Variants in RSF1 observed in about 807,000 individuals in gnomAD.
RSF1 encodes the protein remodeling and spacing factor 1.
In RSF1, 13 loss-of-function variants were observed where a neutral mutation model predicts 145.2. That is an observed-to-expected ratio of 0.09 (90% CI 0.06 to 0.14). The LOEUF is 0.14. RSF1 is among the 10% of genes least tolerant of loss of function. The probability of loss-of-function intolerance (pLI) is 1.00; values close to 1 mark genes in which losing one functional copy is unlikely to be tolerated. For missense variants in RSF1, 1,517 were observed against 1,718.2 expected (o/e 0.88, Z 2.07); for synonymous variants, 577 against 592.6 (o/e 0.97, Z 0.38).
At chr11:77,813,577 T>C in intron 1 of RSF1, 1 of 670,444 alleles carries the variant, frequency 1.5e-6, no homozygotes, top group Admixed American at 2.0e-5. Context: ...GCACACACCT[T>C]TTCCAGGGAT....
At chr11:77,678,191 G>A (rs1332771746) in intron 11 of RSF1, 38 bp from the exon 12 acceptor site, 4 of 925,356 alleles carry the variant, frequency 4.3e-6, no homozygotes, top group Non-Finnish European at 5.7e-6. Context: ...AGCCTGTCCT[G>A]GCTTTTTTTT....
intron 1 of RSF1, among the ~76,000 whole-genome samples, chr11:77,782,670 A>T (rs1354581382): frequency 6.6e-6 from 1 of 152,240 alleles, no homozygotes; most frequent in Non-Finnish European, 1.5e-5. Flanking sequence ...GGGGAAAAAA[A>T]AATCAAAGAA....
chr11:77,818,350 A>G (rs1307855086), intron 1 of RSF1, among the ~76,000 whole-genome samples: 1 of 152,222 alleles, frequency 6.6e-6, no homozygotes, highest in Admixed American at 6.5e-5. Flanking sequence ...GGTCCAAAGA[A>G]ATTACCAAAA....
chr11:77,827,339 A>G, the RSF1 span, among the ~76,000 whole-genome samples: 2 of 152,222 alleles, frequency 1.3e-5, no homozygotes, highest in Non-Finnish European at 2.9e-5. Flanking sequence ...AAAATATCAC[A>G]AGGAAAGCCC....
intron 5 of RSF1, among the ~76,000 whole-genome samples, chr11:77,704,815 T>C (rs914143762): frequency 6.6e-6 from 1 of 150,556 alleles, no homozygotes; most frequent in African/African-American, 2.4e-5. Context: ...TGCAATGGCA[T>C]GATCTCAGCT....
At chr11:77,798,964 TAAA>T (rs199886134) in intron 1 of RSF1, among the ~76,000 whole-genome samples, 1 of 114,416 alleles carries the variant, frequency 8.7e-6, no homozygotes, top group Admixed American at 8.5e-5. Context: ...AAAGTATAAT[TAAA>T]AAAAAAAAAG....
intron 11 of RSF1, among the ~76,000 whole-genome samples, chr11:77,682,778 G>A (rs916239924): frequency 1.3e-5 from 2 of 152,158 alleles, no homozygotes; most frequent in African/African-American, 4.8e-5. Context: ...GTGCTTTCAG[G>A]GAAAAGAACT....
At chr11:77,833,560 C>T in the RSF1 span, among the ~76,000 whole-genome samples, 1 of 152,184 alleles carries the variant, frequency 6.6e-6, no homozygotes, top group African/African-American at 2.4e-5. Context: ...CTGCTGCTTA[C>T]CTCCTGTTGT....
chr11:77,729,301 G>A (rs565807555), intron 4 of RSF1, among the ~76,000 whole-genome samples: 20 of 152,304 alleles, frequency 1.3e-4, no homozygotes, highest in South Asian at 4.1e-4. Flanking sequence ...TAACAGAGAT[G>A]GGACGTTCAG....
chr11:77,748,792 C>T (rs972383320), intron 2 of RSF1, among the ~76,000 whole-genome samples: 1 of 152,172 alleles, frequency 6.6e-6, no homozygotes, highest in South Asian at 2.1e-4. Flanking sequence ...TACCATATGA[C>T]TTAGCCATTA....
upstream of RSF1, among the ~76,000 whole-genome samples, chr11:77,825,656 G>A (rs1357055998): frequency 1.3e-5 from 2 of 151,370 alleles, no homozygotes; most frequent in Non-Finnish European, 2.9e-5. Context: ...TCTATTCATT[G>A]AAGAAGACAC....
At position 77,663,590 on chromosome 11, in the gene RSF1, T is replaced by A. The variant is rs1187303541; in HGVS notation, c.*3327A>T. 6.6e-6 allele frequency: 1 copy of A among 152,174 alleles called. No homozygotes were observed. Among genetic ancestry groups the A allele is most frequent in the Non-Finnish European group, 1.5e-5 (1 of 68,034 alleles). 9.4% of individuals were successfully genotyped at this position (152,174 alleles called of 1,614,324 possible). On this transcript the variant is annotated 3_prime_UTR_variant, in exon 16 of 16. Coordinates refer to ENST00000308488, the MANE Select transcript of RSF1 (RefSeq NM_016578.4). ...CCTTTATCCTCTGAATCTGTAACCT[T>A]GACCAATTGAAAAAAGGATGTCAAG... is the stretch of plus-strand genomic sequence containing the variant.
intron 1 of RSF1, among the ~76,000 whole-genome samples, chr11:77,816,944 C>G (rs781094395): frequency 6.6e-6 from 1 of 152,188 alleles, no homozygotes; most frequent in Non-Finnish European, 1.5e-5. Flanking sequence ...TATATGTGGG[C>G]TTTTCAAATA....
At chr11:77,679,576 G>A (rs149512591) in intron 11 of RSF1, among the ~76,000 whole-genome samples, 91 of 151,406 alleles carry the variant, frequency 6.0e-4, no homozygotes, top group African/African-American at 2.0e-3. Context: ...GGGGGGCCGA[G>A]ACAAGAGGAT....
At chr11:77,693,192 C>T (rs1464246579) in intron 8 of RSF1, among the ~76,000 whole-genome samples, 2 of 152,022 alleles carry the variant, frequency 1.3e-5, no homozygotes, top group East Asian at 3.9e-4. Flanking sequence ...GAGGATGAAA[C>T]AAAGTGATAC....
At chr11:77,707,421 A>G (rs577472832) in intron 5 of RSF1, among the ~76,000 whole-genome samples, 14 of 152,346 alleles carry the variant, frequency 9.2e-5, no homozygotes, top group African/African-American at 2.6e-4. Context: ...AGGACATGAT[A>G]CATTTAACAG....
At chr11:77,848,645 C>T in the RSF1 span, among the ~76,000 whole-genome samples, 1 of 152,152 alleles carries the variant, frequency 6.6e-6, no homozygotes, top group Non-Finnish European at 1.5e-5. Context: ...CAAGTGTGAG[C>T]CACCGTGCCT....
At chr11:77,808,008 G>A (rs1300894790) in intron 1 of RSF1, among the ~76,000 whole-genome samples, 8 of 152,032 alleles carry the variant, frequency 5.3e-5, no homozygotes, top group African/African-American at 1.7e-4. Flanking sequence ...AAATTATTTC[G>A]TCGAGCCAAT....
rs1462124827 is a variant in RSF1 at position 77,664,175 on chromosome 11, A to G, written c.*2742T>C. 1 of 152,114 alleles carries G rather than the reference A, an allele frequency of 6.6e-6. No homozygotes were observed. Among genetic ancestry groups the G allele is most frequent in the Non-Finnish European group, 1.5e-5 (1 of 68,024 alleles). 9.4% of individuals were successfully genotyped at this position (152,114 alleles called of 1,614,324 possible). A position where few individuals can be genotyped will look rare whatever the true frequency, so the allele number is the denominator to read the frequency against. On this transcript the variant is annotated 3_prime_UTR_variant, in exon 16 of 16. Coordinates refer to ENST00000308488, the MANE Select transcript of RSF1 (RefSeq NM_016578.4). ...AAACTCTTTGAGGGACTGAATCTGA[A>G]CTCCAAGCAGCAAAACCGTTTTTGC...
Sources: gnomAD v4.1 joint callset for allele counts (sites outside exome capture counted in the v4.1 genomes callset) on GRCh38, gnomAD v4.1.1 for gene constraint, MANE v1.5 for transcripts, NCBI Gene and HGNC (gene_info 2026-07-23, HGNC 2026-07-21) for gene names.